Variants in PTPRM observed in about 807,000 individuals in gnomAD.
PTPRM encodes the protein receptor-type tyrosine-protein phosphatase mu.
In PTPRM, 47 loss-of-function variants were observed where a neutral mutation model predicts 186.7. The ratio of observed to expected loss-of-function variants is 0.25; its 90% CI spans 0.20 to 0.32. PTPRM has a LOEUF of 0.32. PTPRM is among the 10% of genes least tolerant of loss of function. The pLI is 1.00. For missense variants in PTPRM, 1,494 were observed against 1,865.0 expected, an observed-to-expected ratio of 0.80 and a Z score of 3.66; for synonymous variants, 668 against 674.9, an observed-to-expected ratio of 0.99 and a Z score of 0.16.
chr18:8,372,247 A>AT (rs964258890), intron 24 of PTPRM, among the ~76,000 whole-genome samples: 4 of 143,054 alleles, frequency 2.8e-5, no homozygotes, highest in East Asian at 2.0e-4. Context: ...AATTTTTTGT[A>AT]TTTTTTTTAG....
chr18:8,038,788 T>C (rs990271265), intron 7 of PTPRM, among the ~76,000 whole-genome samples: 3 of 152,214 alleles, frequency 2.0e-5, no homozygotes, highest in African/African-American at 7.2e-5. Flanking sequence ...AGCCTCTTGA[T>C]TGTTATTATG....
chr18:8,379,068 C>A (rs1003312948), intron 27 of PTPRM, 99 bp from the exon 28 acceptor site: 2 of 975,854 alleles, frequency 2.0e-6, no homozygotes, highest in Non-Finnish European at 2.9e-6. Context: ...GACCGTCTTG[C>A]AGTCAGCCAC....
chr18:7,837,883 G>A (rs1435982851), intron 2 of PTPRM, among the ~76,000 whole-genome samples: 1 of 152,192 alleles, frequency 6.6e-6, no homozygotes, highest in East Asian at 1.9e-4. Flanking sequence ...GGGCATGGAA[G>A]AGTTAGGTTT....
chr18:8,397,453 C>T (rs539698657), intron 32 of PTPRM, among the ~76,000 whole-genome samples: 2 of 152,242 alleles, frequency 1.3e-5, no homozygotes, highest in Non-Finnish European at 2.9e-5. Context: ...AAATTTTTAG[C>T]TTTGGGAGCT....
At chr18:7,963,758 G>T (rs2053835811) in intron 7 of PTPRM, among the ~76,000 whole-genome samples, 1 of 152,190 alleles carries the variant, frequency 6.6e-6, no homozygotes, top group Admixed American at 6.5e-5. Flanking sequence ...TCTGTGAGGG[G>T]CTTGACCAGC....
intron 23 of PTPRM, among the ~76,000 whole-genome samples, chr18:8,347,928 A>G (rs1457944335): frequency 1.3e-5 from 2 of 152,252 alleles, no homozygotes; most frequent in Admixed American, 1.3e-4. Context: ...AAATTATGGC[A>G]TCTGTCCTTG....
chr18:8,264,418 T>C (rs556531951), intron 19 of PTPRM, among the ~76,000 whole-genome samples: 2 of 150,724 alleles, frequency 1.3e-5, no homozygotes, highest in Admixed American at 1.3e-4. Context: ...CTGCTAGAAC[T>C]TTCATGATGT....
intron 10 of PTPRM, among the ~76,000 whole-genome samples, chr18:8,087,981 T>A (rs571538142): frequency 6.6e-6 from 1 of 152,274 alleles, no homozygotes; most frequent in South Asian, 2.1e-4. Context: ...AGGAAGATGC[T>A]GGAAACTGGC....
chr18:8,129,828 C>A (rs2092459000), intron 13 of PTPRM, among the ~76,000 whole-genome samples: 2 of 151,910 alleles, frequency 1.3e-5, no homozygotes, highest in African/African-American at 4.8e-5. Flanking sequence ...TAAATGATAC[C>A]CCTTTTTGAA....
At chr18:8,177,423 A>G (rs1229851654) in intron 14 of PTPRM, among the ~76,000 whole-genome samples, 1 of 152,232 alleles carries the variant, frequency 6.6e-6, no homozygotes. Flanking sequence ...CCCCTTCACA[A>G]TGCGAGACAG....
intron 13 of PTPRM, among the ~76,000 whole-genome samples, chr18:8,126,555 GCTGA>G (rs773617308): frequency 2.6e-5 from 4 of 152,088 alleles, no homozygotes; most frequent in Admixed American, 6.6e-5. Flanking sequence ...CTCCTACTCT[GCTGA>G]CTGTCTGTCC....
intron 2 of PTPRM, among the ~76,000 whole-genome samples, chr18:7,849,894 CATTT>C (rs1363754313): frequency 3.3e-5 from 5 of 152,168 alleles, no homozygotes; most frequent in Non-Finnish European, 4.4e-5. Flanking sequence ...CTTACGTTGA[CATTT>C]ATTTTAATAC....
intron 21 of PTPRM, among the ~76,000 whole-genome samples, chr18:8,317,052 G>A (rs1489434292): frequency 6.6e-6 from 1 of 152,160 alleles, no homozygotes; most frequent in African/African-American, 2.4e-5. Flanking sequence ...CAGTTGTAAG[G>A]ACTTTGGCTT....
intron 1 of PTPRM, among the ~76,000 whole-genome samples, chr18:7,700,375 A>G (rs2039934510): frequency 6.6e-6 from 1 of 152,160 alleles, no homozygotes; most frequent in Non-Finnish European, 1.5e-5. Context: ...TACCCTACAT[A>G]CATTCAGTAG....
At chr18:7,698,696 G>T (rs2039894611) in intron 1 of PTPRM, among the ~76,000 whole-genome samples, 1 of 152,108 alleles carries the variant, frequency 6.6e-6, no homozygotes, top group Non-Finnish European at 1.5e-5. Context: ...CAATGTGATT[G>T]TAAAAATTTT....
chr18:8,391,628 G>T (rs2095813484), intron 31 of PTPRM, among the ~76,000 whole-genome samples: 1 of 152,156 alleles, frequency 6.6e-6, no homozygotes, highest in Non-Finnish European at 1.5e-5. Flanking sequence ...AGCCTCTTGG[G>T]GACTGAACGT....
At chr18:7,819,989 T>C (rs537387386) in intron 2 of PTPRM, among the ~76,000 whole-genome samples, 1 of 152,142 alleles carries the variant, frequency 6.6e-6, no homozygotes, top group Non-Finnish European at 1.5e-5. Context: ...AAGTGGATGG[T>C]CTCATGTTAA....
chr18:8,110,846 A>G (rs1031862015), intron 11 of PTPRM, among the ~76,000 whole-genome samples: 2 of 152,208 alleles, frequency 1.3e-5, no homozygotes, highest in South Asian at 2.1e-4. Flanking sequence ...GAATCTTTAC[A>G]ATACTCAAAA....
chr18:8,094,856 G>A (rs777319026), intron 11 of PTPRM, among the ~76,000 whole-genome samples: 1 of 151,954 alleles, frequency 6.6e-6, no homozygotes, highest in East Asian at 1.9e-4. Flanking sequence ...TTTTTAAAAC[G>A]AGTGCATGAC....
Sources: gnomAD v4.1 joint callset for allele counts (sites outside exome capture counted in the v4.1 genomes callset) on GRCh38, gnomAD v4.1.1 for gene constraint, MANE v1.5 for transcripts, NCBI Gene and HGNC (gene_info 2026-07-23, HGNC 2026-07-21) for gene names.